SNAP47: variants seen among roughly 807,000 people sequenced by gnomAD.
SNAP47 encodes synaptosome associated protein 47.
SNAP47 carries 20 observed loss-of-function variants against 31.4 expected under a neutral mutation model. That is an observed-to-expected ratio of 0.64 (90% CI 0.45 to 0.93). The LOEUF is 0.93. Ranked by LOEUF, SNAP47 falls within the 40% of genes least tolerant of loss-of-function variation. The probability of loss-of-function intolerance (pLI) is 0.00; values close to 1 mark genes in which losing one functional copy is unlikely to be tolerated. For missense variants in SNAP47, 492 were observed against 528.5 expected (o/e 0.93, Z 0.68); for synonymous variants, 194 against 213.4 (o/e 0.91, Z 0.79).
chr1:227,775,047 C>T (rs1664069105), intron 4 of SNAP47, among the ~76,000 whole-genome samples: 1 of 152,222 alleles, frequency 6.6e-6, no homozygotes, highest in African/African-American at 2.4e-5. Context: ...CTCGACCCAC[C>T]GCCGCGGGGG....
chr1:227,772,880 AGT>A (rs1362338627), intron 4 of SNAP47, among the ~76,000 whole-genome samples: 1 of 152,162 alleles, frequency 6.6e-6, no homozygotes, highest in Non-Finnish European at 1.5e-5. Context: ...AGATAATATG[AGT>A]TTATCTCTGG....
At chr1:227,768,013 G>A (rs183993495) in intron 4 of SNAP47, among the ~76,000 whole-genome samples, 17 of 152,376 alleles carry the variant, frequency 1.1e-4, no homozygotes, top group African/African-American at 4.1e-4. Flanking sequence ...GCTGTACTCA[G>A]TCATCATATC....
intron 3 of SNAP47, among the ~76,000 whole-genome samples, chr1:227,760,310 T>G (rs1274895157): frequency 6.6e-6 from 1 of 152,234 alleles, no homozygotes; most frequent in African/African-American, 2.4e-5. Context: ...ACCCCTACTT[T>G]GCCCACTCTT....
Position 227,735,624 on chromosome 1 carries a change from G to A in SNAP47, c.-46+125G>A, listed in dbSNP as rs988583675. The A allele has an allele frequency of 7.5e-6, 10 of 1,325,552 alleles. No individual in the cohort carries two copies. The African/African-American group carries it at 7.7e-5, about 10-fold the overall frequency. 82.1% of individuals were successfully genotyped at this position (1,325,552 alleles called of 1,614,324 possible). On this transcript the variant is annotated intron_variant, in intron 1 of 4. Transcript: ENST00000617596. ...CTCCTTCCCGCATCCCCGGGGGGTG[G>A]GGGGTATGCGGGCTGCGCTGGGAGA...
chr1:227,759,012 A>C lies in SNAP47; in HGVS notation c.515A>C (p.Glu172Ala). The change falls in exon 3 of 5, where the codon GAA becomes GCA. Residue 172 changes from glutamate (E) to alanine (A), a missense_variant. By Grantham distance (107) the Glu-to-Ala change is moderately radical. Coordinates refer to ENST00000617596, the MANE Select transcript of SNAP47 (RefSeq NM_053052.4). The part of the protein sequence containing the change: ...EVADRLLTEL[E>A]SPAWWPFSSK... ...TTTTTCAGATTGCTGACAGAACTGG[A>C]ATCTCCTGCTTGGTGGCCCTTTAGC... 1 of 1,595,190 alleles carries C rather than the reference A, an allele frequency of 6.3e-7. No homozygotes were observed. Among genetic ancestry groups the C allele is most frequent in the Non-Finnish European group, 8.5e-7 (1 of 1,171,900 alleles).
At chr1:227,745,760 G>A (rs1375651890) in intron 1 of SNAP47, 1 of 152,214 alleles carries the variant, frequency 6.6e-6, no homozygotes, top group Non-Finnish European at 1.5e-5. Flanking sequence ...ATGTCAGCAA[G>A]ACAAGCCTGC....
upstream of SNAP47, chr1:227,733,425 C>A: frequency 6.3e-7 from 1 of 1,577,342 alleles, no homozygotes; most frequent in Non-Finnish European, 8.6e-7. Flanking sequence ...AGGTTGTGCA[C>A]CTGGTGGTGC....
intron 1 of SNAP47, among the ~76,000 whole-genome samples, chr1:227,739,979 AGCTCT>A (rs1311024384): frequency 2.6e-5 from 4 of 152,260 alleles, no homozygotes; most frequent in African/African-American, 9.6e-5. Context: ...GCATAGGCAC[AGCTCT>A]GTTTCCATGT....
In SNAP47 at chr1:227,747,720, C is replaced by T. The variant is rs150812885; in HGVS notation, c.-17C>T. Reference sequence around the variant, plus strand: ...CAGAAGAGGCCTGGACCTTGGCGCACACAGACCCAGGAACAGATGAGCAGG... The same window carrying T: ...CAGAAGAGGCCTGGACCTTGGCGCATACAGACCCAGGAACAGATGAGCAGG... On this transcript the variant is annotated 5_prime_UTR_variant, in exon 2 of 5. Coordinates refer to ENST00000617596, the MANE Select transcript of SNAP47 (RefSeq NM_053052.4). 3.3e-4 allele frequency: 525 copies of T among 1,608,450 alleles called. 1 individual carries two copies. Among genetic ancestry groups the T allele is most frequent in the South Asian group, 1.1e-3 (101 of 90,748 alleles).
At chr1:227,733,528 G>C (rs141021924), upstream of SNAP47, 1 of 1,602,866 alleles carries the variant, frequency 6.2e-7, no homozygotes, top group Admixed American at 1.7e-5. Flanking sequence ...GGTGTGTGTC[G>C]CAGAGTGCTG....
intron 4 of SNAP47, chr1:227,776,928 A>C (rs1664193911): frequency 5.1e-6 from 5 of 985,290 alleles, no homozygotes; most frequent in Non-Finnish European, 6.0e-6. Context: ...GCCAGCCTTT[A>C]TTTTGTCTGT....
upstream of SNAP47, chr1:227,731,543 C>A (rs879630472): frequency 6.6e-6 from 1 of 152,290 alleles, no homozygotes; most frequent in African/African-American, 2.4e-5. Context: ...CCTGGGGCAT[C>A]CTCTGCAAGA....
intron 4 of SNAP47, among the ~76,000 whole-genome samples, chr1:227,772,516 C>A (rs1663886408): frequency 6.6e-6 from 1 of 152,144 alleles, no homozygotes; most frequent in South Asian, 2.1e-4. Flanking sequence ...GAGCTGTTTC[C>A]TCCTTTGGGC....
intron 2 of SNAP47, 136 bp from the exon 3 acceptor site, chr1:227,758,859 A>G: frequency 4.6e-6 from 5 of 1,082,002 alleles, no homozygotes; most frequent in Non-Finnish European, 6.4e-6. Flanking sequence ...CTCCTGCTTC[A>G]TGGAGTGCTT....
chr1:227,778,861 C>T (rs1664303270), intron 4 of SNAP47, among the ~76,000 whole-genome samples: 1 of 152,210 alleles, frequency 6.6e-6, no homozygotes, highest in Non-Finnish European at 1.5e-5. Flanking sequence ...GATGGAGTTT[C>T]TGCCAGCTCC....
chr1:227,735,165 C>A (rs201199352), upstream of SNAP47: 1 of 1,580,334 alleles, frequency 6.3e-7, no homozygotes, highest in South Asian at 1.1e-5. Context: ...GAGAAGGCGC[C>A]CGGCTCCGAG....
In SNAP47 at chr1:227,780,998, T is replaced by C. The variant is rs999262124; in HGVS notation, c.*325T>C. 3.0e-6 allele frequency: 1 copy of C among 332,172 alleles called. No homozygotes were observed. Among genetic ancestry groups the C allele is most frequent in the African/African-American group, 2.1e-5 (1 of 47,506 alleles). 20.6% of individuals were successfully genotyped at this position (332,172 alleles called of 1,614,324 possible). A position where few individuals can be genotyped will look rare whatever the true frequency, so the allele number is the denominator to read the frequency against. ...CTCGTCTTGTCTCGGCTCCCTTTCATGGACAGACTGGCCTTCTTAGCTGTA... is the reference window on the plus strand; with the variant it reads ...CTCGTCTTGTCTCGGCTCCCTTTCACGGACAGACTGGCCTTCTTAGCTGTA... On this transcript the variant is annotated 3_prime_UTR_variant, in exon 5 of 5. Coordinates refer to ENST00000617596, the MANE Select transcript of SNAP47 (RefSeq NM_053052.4).
intron 4 of SNAP47, chr1:227,776,806 C>T (rs995209279): frequency 2.0e-6 from 2 of 985,330 alleles, no homozygotes; most frequent in Non-Finnish European, 2.4e-6. Context: ...TAATTAACTT[C>T]AAGTGCAATT....
At chr1:227,738,065 C>T (rs185277573) in intron 1 of SNAP47, among the ~76,000 whole-genome samples, 149 of 151,576 alleles carry the variant, frequency 9.8e-4, no homozygotes, top group African/African-American at 3.1e-3. Context: ...GTTTTGAGAC[C>T]GCGTCTTATT....
Sources: gnomAD v4.1 joint callset for allele counts (sites outside exome capture counted in the v4.1 genomes callset) on GRCh38, gnomAD v4.1.1 for gene constraint, MANE v1.5 for transcripts, NCBI Gene and HGNC (gene_info 2026-07-23, HGNC 2026-07-21) for gene names.